EML5: variants seen among roughly 807,000 people sequenced by gnomAD.
The protein encoded by EML5 is echinoderm microtubule-associated protein-like 5.
In EML5, 120 loss-of-function variants were observed where a neutral mutation model predicts 250.0. The observed-to-expected ratio is 0.48, with a 90% CI of 0.41 to 0.56. The LOEUF is 0.56. Ranked by LOEUF, EML5 falls within the 20% of genes least tolerant of loss-of-function variation. EML5 has a pLI of 0.00. For missense variants in EML5, 2,006 were observed against 2,437.6 expected, an observed-to-expected ratio of 0.82 and a Z score of 3.73; for synonymous variants, 771 against 806.5, an observed-to-expected ratio of 0.96 and a Z score of 0.75.
chr14:88,697,728 GATTT>G (rs1221879522), intron 14 of EML5, among the ~76,000 whole-genome samples: 4 of 152,018 alleles, frequency 2.6e-5, no homozygotes, highest in Admixed American at 6.6e-5. Context: ...TTTTGAGACT[GATTT>G]ATTTATTTTT....
At chr14:88,677,708 C>G (rs2092627305) in intron 21 of EML5, among the ~76,000 whole-genome samples, 1 of 152,206 alleles carries the variant, frequency 6.6e-6, no homozygotes, top group African/African-American at 2.4e-5. Context: ...CTCAACATCA[C>G]TGATCACTAG....
chr14:88,627,205 T>G (rs1055895334), intron 34 of EML5, 159 bp from the exon 35 acceptor site: 21 of 664,368 alleles, frequency 3.2e-5, no homozygotes, highest in Non-Finnish European at 5.1e-5. Context: ...TTACAATTAT[T>G]TGTGTATTGA....
intron 27 of EML5, among the ~76,000 whole-genome samples, chr14:88,652,396 TC>T (rs776806284): frequency 6.6e-6 from 1 of 152,056 alleles, no homozygotes; most frequent in Non-Finnish European, 1.5e-5. Flanking sequence ...AGTTCTCCCT[TC>T]CCCATTACTA....
intron 7 of EML5, among the ~76,000 whole-genome samples, chr14:88,730,025 T>TA (rs2093730837): frequency 6.6e-6 from 1 of 152,154 alleles, no homozygotes; most frequent in Non-Finnish European, 1.5e-5. Flanking sequence ...GTGACACAGT[T>TA]ACAACTTGAC....
At chr14:88,624,908 A>C in intron 36 of EML5, 62 bp downstream of exon 36, 1 of 1,572,384 alleles carries the variant, frequency 6.4e-7, no homozygotes, top group Non-Finnish European at 8.6e-7. Flanking sequence ...TAGAATAATT[A>C]ACTGCAAACC....
Position 88,649,946 on chromosome 14 carries a change from G to T in EML5, c.4005-20C>A. 4.1e-6 allele frequency: 6 copies of T among 1,462,606 alleles called. No individual in the cohort carries two copies. The highest frequency in any genetic ancestry group is 4.5e-6 in the Non-Finnish European group (5 of 1,107,008). The allele number at this position is 1,462,606 out of a possible 1,614,324, so 90.6% of individuals were successfully genotyped here. The stretch of plus-strand genomic sequence containing the variant: ...CCCTGCCTTCAAAAGGAGCAAGGGG[G>T]AAAAAAGTAGGAAAACATATAAAAA... On this transcript the variant is annotated intron_variant, in intron 27 of 43. Transcript: ENST00000554922.
At chr14:88,786,903 T>C (rs182227710) in intron 1 of EML5, among the ~76,000 whole-genome samples, 182 of 152,276 alleles carry the variant, frequency 1.2e-3, no homozygotes, top group African/African-American at 4.0e-3. Context: ...GAACCAACTA[T>C]GTCAAATCAT....
chr14:88,714,250 A>C (rs8018630), intron 9 of EML5, among the ~76,000 whole-genome samples: 35,982 of 152,024 alleles, frequency 0.24, 4,418 homozygotes, highest in East Asian at 0.37. Flanking sequence ...ACTAAGATAC[A>C]GTGGTACTTT....
intron 1 of EML5, among the ~76,000 whole-genome samples, chr14:88,785,448 A>G (rs1179624134): frequency 2.0e-5 from 3 of 152,222 alleles, no homozygotes; most frequent in African/African-American, 7.2e-5. Context: ...TACCCCATAA[A>G]TAGATAAACT....
At chr14:88,728,714 G>C (rs1436877368) in intron 7 of EML5, among the ~76,000 whole-genome samples, 2 of 152,066 alleles carry the variant, frequency 1.3e-5, no homozygotes, top group Non-Finnish European at 2.9e-5. Flanking sequence ...GTTCAAACCT[G>C]TGTTGTTCAA....
At chr14:88,743,850 A>C (rs751910347) in intron 4 of EML5, among the ~76,000 whole-genome samples, 173 bp downstream of exon 4, 19 of 152,098 alleles carry the variant, frequency 1.2e-4, no homozygotes, top group Non-Finnish European at 2.4e-4. Flanking sequence ...CAATAGTTCA[A>C]AGCAAATAAT....
chr14:88,717,135 G>GAGTA (rs2093509384), intron 8 of EML5, among the ~76,000 whole-genome samples: 1 of 152,166 alleles, frequency 6.6e-6, no homozygotes, highest in Admixed American at 6.5e-5. Flanking sequence ...AAAGGAAGTG[G>GAGTA]AGTAGATAGC....
At chr14:88,767,556 T>C (rs1384503445) in intron 1 of EML5, among the ~76,000 whole-genome samples, 2 of 152,232 alleles carry the variant, frequency 1.3e-5, no homozygotes, top group Non-Finnish European at 2.9e-5. Context: ...TGTCATAATA[T>C]TGTTACACTG....
intron 27 of EML5, among the ~76,000 whole-genome samples, chr14:88,654,296 A>T (rs1161421567): frequency 6.6e-6 from 1 of 151,524 alleles, no homozygotes; most frequent in African/African-American, 2.4e-5. Flanking sequence ...TTGTGCTCTG[A>T]TCTTTATTTC....
intron 21 of EML5, among the ~76,000 whole-genome samples, chr14:88,674,174 C>T (rs2092540697): frequency 6.6e-6 from 1 of 152,154 alleles, no homozygotes; most frequent in South Asian, 2.1e-4. Context: ...GAGGCTGAGG[C>T]AGGAGAATCA....
intron 1 of EML5, among the ~76,000 whole-genome samples, chr14:88,779,611 C>T (rs2094477282): frequency 1.3e-5 from 2 of 152,138 alleles, no homozygotes; most frequent in South Asian, 2.1e-4. Flanking sequence ...TTCATATTGC[C>T]TCCTTGGAAC....
chr14:88,641,559 TAAAAAC>T (rs1051554887), intron 31 of EML5, among the ~76,000 whole-genome samples: 1 of 152,034 alleles, frequency 6.6e-6, no homozygotes, highest in East Asian at 1.9e-4. Flanking sequence ...TAAACAGAAT[TAAAAAC>T]AAAAACCATA....
At chr14:88,777,955 A>G (rs2094462516) in intron 1 of EML5, among the ~76,000 whole-genome samples, 1 of 152,260 alleles carries the variant, frequency 6.6e-6, no homozygotes, top group Non-Finnish European at 1.5e-5. Context: ...TGCCTGGGCA[A>G]AAGAGTGACA....
At chr14:88,685,289 T>C (rs1380311337) in intron 19 of EML5, 147 bp from the exon 20 acceptor site, 3 of 570,776 alleles carry the variant, frequency 5.3e-6, no homozygotes, top group Non-Finnish European at 5.6e-6. Context: ...ATGTACTATA[T>C]TAACCTCAAT....
Sources: gnomAD v4.1 joint callset for allele counts (sites outside exome capture counted in the v4.1 genomes callset) on GRCh38, gnomAD v4.1.1 for gene constraint, MANE v1.5 for transcripts, NCBI Gene and HGNC (gene_info 2026-07-23, HGNC 2026-07-21) for gene names.